The following PDE4D variants were observed in gnomAD, a reference collection of about 807,000 sequenced individuals.
The protein encoded by PDE4D is phosphodiesterase 4D, also known as 3',5'-cyclic-AMP phosphodiesterase 4D.
In PDE4D, 24 loss-of-function variants were observed where a neutral mutation model predicts 87.4. That is an observed-to-expected ratio of 0.27 (90% CI 0.20 to 0.39). The LOEUF (loss-of-function observed/expected upper bound fraction) is 0.39. Among genes scored for constraint, PDE4D ranks in the 10% least tolerant of loss-of-function variants. The pLI is 1.00. For synonymous variants in PDE4D, 384 were observed against 383.2 expected, an observed-to-expected ratio of 1.00 and a Z score of -0.02; for missense variants, 714 against 1,041.0, an observed-to-expected ratio of 0.69 and a Z score of 4.32.
chr5:59,960,217 T>C (rs1311380441), intron 3 of PDE4D, among the ~76,000 whole-genome samples: 1 of 151,926 alleles, frequency 6.6e-6, no homozygotes, highest in East Asian at 1.9e-4. Flanking sequence ...GGCGAGACGG[T>C]AGAGAAAAGG....
intron 1 of PDE4D, among the ~76,000 whole-genome samples, chr5:59,447,538 C>A: frequency 6.6e-6 from 1 of 152,162 alleles, no homozygotes; most frequent in Non-Finnish European, 1.5e-5. Context: ...ATACAGTGTA[C>A]AAATTATCAC....
chr5:59,123,983 C>T (rs913869612), intron 5 of PDE4D, among the ~76,000 whole-genome samples: 10 of 152,168 alleles, frequency 6.6e-5, no homozygotes, highest in African/African-American at 2.4e-4. Flanking sequence ...TGGCTTTATA[C>T]CACTTCCTAA....
chr5:59,684,097 C>A (rs1465970799), intron 1 of PDE4D, among the ~76,000 whole-genome samples: 1 of 152,140 alleles, frequency 6.6e-6, no homozygotes, highest in African/African-American at 2.4e-5. Flanking sequence ...GAAAATGATG[C>A]CTATTCAACT....
intron 3 of PDE4D, among the ~76,000 whole-genome samples, chr5:59,970,440 AT>A (rs1390603231): frequency 6.6e-6 from 1 of 152,128 alleles, no homozygotes; most frequent in East Asian, 1.9e-4. Flanking sequence ...ATGGGAGAAA[AT>A]TTTCGCAACC....
chr5:59,993,951 C>T (rs1009365756), intron 2 of PDE4D, among the ~76,000 whole-genome samples: 12 of 151,946 alleles, frequency 7.9e-5, no homozygotes, highest in African/African-American at 2.9e-4. Context: ...TAATGTTATG[C>T]TTTTTACTGC....
chr5:59,365,309 G>A (rs1200344424), intron 1 of PDE4D, among the ~76,000 whole-genome samples: 1 of 151,832 alleles, frequency 6.6e-6, no homozygotes, highest in Non-Finnish European at 1.5e-5. Context: ...AAAGAGAAAA[G>A]TTAGCCAGGC....
At chr5:59,954,911 T>C (rs566185164) in intron 3 of PDE4D, among the ~76,000 whole-genome samples, 1 of 152,344 alleles carries the variant, frequency 6.6e-6, no homozygotes, top group East Asian at 1.9e-4. Flanking sequence ...ATACCCTATA[T>C]AATTTTTTAA....
chr5:59,767,646 A>G (rs1457276238), intron 1 of PDE4D, among the ~76,000 whole-genome samples: 1 of 152,236 alleles, frequency 6.6e-6, no homozygotes, highest in Non-Finnish European at 1.5e-5. Flanking sequence ...ACACAACAAT[A>G]CTACCAAGTA....
intron 1 of PDE4D, among the ~76,000 whole-genome samples, chr5:59,295,085 C>A (rs899999680): frequency 6.6e-6 from 1 of 152,044 alleles, no homozygotes; most frequent in African/African-American, 2.4e-5. Flanking sequence ...ATTATACCTC[C>A]CCATTTATCT....
At chr5:60,138,614 T>C (rs1033780515) in intron 2 of PDE4D, among the ~76,000 whole-genome samples, 3 of 150,794 alleles carry the variant, frequency 2.0e-5, no homozygotes, top group African/African-American at 7.5e-5. Context: ...TCATTGCTTA[T>C]GTTATTCTTT....
In PDE4D at chr5:59,988,443, C is replaced by T. The variant is rs776590650; in HGVS notation, c.272+45G>A. 3.1e-6 allele frequency: 4 copies of T among 1,273,064 alleles called. No homozygotes were observed. The African/African-American group carries it at 4.4e-5, about 14-fold the overall frequency. The allele number at this position is 1,273,064 out of a possible 1,614,324, so 78.9% of individuals were successfully genotyped here. A position where few individuals can be genotyped will look rare whatever the true frequency, so the allele number is the denominator to read the frequency against. ...CTCAAAAGACCACAGACAACAATCA[C>T]CATCTAAAATATAAAATGGGGAAAT... is the stretch of plus-strand genomic sequence containing the variant. On this transcript the variant is annotated intron_variant, in intron 3 of 16. Coordinates refer to the PDE4D transcript ENST00000502484.
chr5:59,198,522 CTCTGTCA>C (rs1269793519), intron 2 of PDE4D, among the ~76,000 whole-genome samples: 3 of 152,180 alleles, frequency 2.0e-5, no homozygotes, highest in Non-Finnish European at 4.4e-5. Flanking sequence ...GTGCCACATG[CTCTGTCA>C]CCTTCCCTGG....
At chr5:59,495,357 AC>A (rs796090543) in intron 1 of PDE4D, among the ~76,000 whole-genome samples, 4 of 152,046 alleles carry the variant, frequency 2.6e-5, no homozygotes, top group African/African-American at 4.8e-5. Context: ...CTCATTTATT[AC>A]CCCCTGGCCC....
intron 1 of PDE4D, among the ~76,000 whole-genome samples, chr5:60,390,646 TA>T (rs35911590): frequency 0.38 from 53,096 of 138,574 alleles, 10,717 homozygotes; most frequent in South Asian, 0.57. Flanking sequence ...AATGATAATT[TA>T]AAAAAAAAAA....
At chr5:59,975,347 T>C (rs191735331) in intron 3 of PDE4D, among the ~76,000 whole-genome samples, 1 of 152,338 alleles carries the variant, frequency 6.6e-6, no homozygotes, top group East Asian at 1.9e-4. Context: ...GAACATACCT[T>C]AAATTACCTC....
chr5:60,189,789 A>G (rs1393055899), intron 1 of PDE4D, among the ~76,000 whole-genome samples: 1 of 152,258 alleles, frequency 6.6e-6, no homozygotes, highest in Non-Finnish European at 1.5e-5. Context: ...TAAAAAGTTT[A>G]TTGAGCACCT....
chr5:59,276,232 C>G, intron 1 of PDE4D: 2 of 662,588 alleles, frequency 3.0e-6, no homozygotes, highest in South Asian at 6.8e-5. Context: ...GCACTGTAAA[C>G]CGGCCAAGCA....
At chr5:59,927,159 T>C (rs556859756) in intron 3 of PDE4D, among the ~76,000 whole-genome samples, 3 of 152,228 alleles carry the variant, frequency 2.0e-5, no homozygotes, top group Non-Finnish European at 2.9e-5. Flanking sequence ...TCTTGACTAA[T>C]AGTATTCTCT....
At chr5:60,346,155 G>A (rs1162820577) in intron 1 of PDE4D, among the ~76,000 whole-genome samples, 4 of 152,110 alleles carry the variant, frequency 2.6e-5, no homozygotes, top group Admixed American at 2.6e-4. Flanking sequence ...GAATTTGCCA[G>A]GATGAACTTT....
Sources: allele counts gnomAD v4.1 joint callset (sites outside exome capture counted in the v4.1 genomes callset), GRCh38; gene constraint gnomAD v4.1.1; transcripts MANE v1.5; gene names NCBI Gene and HGNC (gene_info 2026-07-23, HGNC 2026-07-21).